TMEM108: variants seen among roughly 807,000 people sequenced by gnomAD.
TMEM108 encodes the protein transmembrane protein 108.
In TMEM108, 12 loss-of-function variants were observed where a neutral mutation model predicts 35.1. The ratio of observed to expected loss-of-function variants is 0.34; its 90% CI spans 0.22 to 0.55. The LOEUF is 0.55. Ranked by LOEUF, TMEM108 falls within the 20% of genes least tolerant of loss-of-function variation. The pLI, the probability that TMEM108 is intolerant of heterozygous loss-of-function variation, is 0.89. For missense variants in TMEM108, 680 were observed against 753.3 expected (o/e 0.90, Z 1.14); for synonymous variants, 287 against 308.6 (o/e 0.93, Z 0.73).
intron 3 of TMEM108, among the ~76,000 whole-genome samples, chr3:133,351,632 C>T (rs2072000478): frequency 2.0e-5 from 3 of 152,118 alleles, no homozygotes; most frequent in Admixed American, 2.0e-4. Flanking sequence ...TCATAGCAGC[C>T]ATGATGGCTG....
chr3:133,313,379 A>T (rs2071158441), intron 3 of TMEM108, among the ~76,000 whole-genome samples: 1 of 151,990 alleles, frequency 6.6e-6, no homozygotes, highest in African/African-American at 2.4e-5. Context: ...TTGTATTTTT[A>T]GTAGAGACGG....
At chr3:133,338,925 C>T (rs1553763225) in intron 3 of TMEM108, among the ~76,000 whole-genome samples, 1 of 151,858 alleles carries the variant, frequency 6.6e-6, no homozygotes, top group Non-Finnish European at 1.5e-5. Flanking sequence ...TTGCAAGCCT[C>T]ATGGTAGCCT....
chr3:133,085,107 C>G (rs2107701548), intron 2 of TMEM108, among the ~76,000 whole-genome samples: 1 of 152,258 alleles, frequency 6.6e-6, no homozygotes, highest in Admixed American at 6.5e-5. Context: ...ATAGTTCTTG[C>G]TTTTTATATT....
chr3:133,291,080 G>T (rs1947061724), intron 3 of TMEM108, among the ~76,000 whole-genome samples: 1 of 152,142 alleles, frequency 6.6e-6, no homozygotes, highest in African/African-American at 2.4e-5. Context: ...GCCATAAGGA[G>T]AATTTTTTAA....
intron 3 of TMEM108, among the ~76,000 whole-genome samples, chr3:133,303,804 T>C (rs1029251530): frequency 1.3e-5 from 2 of 152,232 alleles, no homozygotes; most frequent in African/African-American, 2.4e-5. Context: ...AAAAAATCTA[T>C]TGGAAAGACA....
chr3:133,070,416 C>T (rs1313392889), intron 2 of TMEM108, among the ~76,000 whole-genome samples: 1 of 152,166 alleles, frequency 6.6e-6, no homozygotes, highest in African/African-American at 2.4e-5. Context: ...CCTGCTGCTG[C>T]TGCCTTTCTC....
chr3:133,099,721 A>C (rs550692808), intron 2 of TMEM108, among the ~76,000 whole-genome samples: 1 of 152,216 alleles, frequency 6.6e-6, no homozygotes, highest in Non-Finnish European at 1.5e-5. Context: ...TTGCTAAAAC[A>C]TAATAAGAGT....
At chr3:133,355,853 T>C (rs953859033) in intron 3 of TMEM108, among the ~76,000 whole-genome samples, 1 of 152,176 alleles carries the variant, frequency 6.6e-6, no homozygotes, top group Non-Finnish European at 1.5e-5. Context: ...GAAGAAACCA[T>C]TGTGACATAG....
At chr3:133,233,796 A>G (rs1158086950) in intron 3 of TMEM108, among the ~76,000 whole-genome samples, 1 of 151,116 alleles carries the variant, frequency 6.6e-6, no homozygotes, top group African/African-American at 2.4e-5. Context: ...GCCAGTGATG[A>G]TGAGCATTTT....
chr3:133,183,904 G>A (rs114973533), intron 2 of TMEM108, among the ~76,000 whole-genome samples: 2,121 of 152,262 alleles, frequency 0.014, 52 homozygotes, highest in African/African-American at 0.048. Flanking sequence ...GGAGATGGCC[G>A]TACCTACTTG....
At position 133,380,151 on chromosome 3, in the gene TMEM108, C is replaced by T. The variant is rs200974256; in HGVS notation, c.440C>T (p.Pro147Leu). ...AAPTILLTKP[P>L]GATSRPTTAP... is the part of the protein sequence containing the mutation. ...CCCACCATCCTGCTGACAAAGCCAC[C>T]GGGGGCCACCAGCCGCCCCACCACA... The change falls in exon 4 of 6, where the codon CCG becomes CTG. Residue 147 changes from proline to leucine, a missense_variant. This residue lies in a region of TMEM108 where 526 missense variants were observed against 532.1 expected (regional missense o/e 0.99). Coordinates refer to ENST00000321871, the MANE Select transcript of TMEM108 (RefSeq NM_023943.4). This position sits in a 1 kb window ranked among gnomAD's most constrained non-coding sequence, Gnocchi z 5.3. 6.9e-4 allele frequency: 1,112 copies of T among 1,613,126 alleles called. No homozygotes were observed. The highest frequency in any genetic ancestry group is 1.2e-3 in the Middle Eastern group (7 of 6,058).
At chr3:133,252,172 G>T (rs1946481169) in intron 3 of TMEM108, among the ~76,000 whole-genome samples, 1 of 152,060 alleles carries the variant, frequency 6.6e-6, no homozygotes, top group African/African-American at 2.4e-5. Context: ...CTATTCACAG[G>T]ATTGAAAAGA....
chr3:133,386,949 T>C (rs2073161034), intron 4 of TMEM108: 7 of 925,520 alleles, frequency 7.6e-6, no homozygotes, highest in South Asian at 9.8e-5. Flanking sequence ...GCAGTTATCA[T>C]GTGGGCTAAA....
chr3:133,326,461 T>C (rs1265780236), intron 3 of TMEM108, among the ~76,000 whole-genome samples: 1 of 152,212 alleles, frequency 6.6e-6, no homozygotes, highest in Non-Finnish European at 1.5e-5. Flanking sequence ...TTCCCTTTAG[T>C]AGCTATGTAA....
intron 3 of TMEM108, among the ~76,000 whole-genome samples, chr3:133,260,264 T>A (rs1404414913): frequency 6.8e-6 from 1 of 147,134 alleles, no homozygotes; most frequent in East Asian, 2.0e-4. Flanking sequence ...GCATATAGAC[T>A]AGTTAGGGAA....
At chr3:133,244,800 AAAG>A (rs1440419690) in intron 3 of TMEM108, among the ~76,000 whole-genome samples, 1 of 152,242 alleles carries the variant, frequency 6.6e-6, no homozygotes, top group Non-Finnish European at 1.5e-5. Context: ...GTCTAATTAT[AAAG>A]AAGGGCAGTC....
At chr3:133,333,040 G>T (rs964319168) in intron 3 of TMEM108, among the ~76,000 whole-genome samples, 6 of 152,144 alleles carry the variant, frequency 3.9e-5, no homozygotes, top group African/African-American at 1.2e-4. Flanking sequence ...CTCTATGTGG[G>T]TGCAGCACCT....
intron 2 of TMEM108, among the ~76,000 whole-genome samples, chr3:133,196,195 T>G (rs544632380): frequency 6.6e-6 from 1 of 152,182 alleles, no homozygotes; most frequent in Admixed American, 6.5e-5. Flanking sequence ...GAAATTCTTT[T>G]TGAAGGAGGT....
At chr3:133,081,504 G>A (rs1576308516) in intron 2 of TMEM108, among the ~76,000 whole-genome samples, 1 of 152,148 alleles carries the variant, frequency 6.6e-6, no homozygotes, top group Admixed American at 6.5e-5. Flanking sequence ...AATTTGGGGG[G>A]AACGCAATTC....
Sources: allele counts gnomAD v4.1 joint callset (sites outside exome capture counted in the v4.1 genomes callset), GRCh38; gene constraint gnomAD v4.1.1; regional missense constraint gnomAD v4.1.1; non-coding constraint Gnocchi (gnomAD v3.1); transcripts MANE v1.5; gene names NCBI Gene and HGNC (gene_info 2026-07-23, HGNC 2026-07-21).